NALCN: variants seen among roughly 807,000 people sequenced by gnomAD.
NALCN encodes the protein sodium leak channel NALCN.
A neutral mutation model predicts 225.3 loss-of-function variants in NALCN; 111 were observed. The observed-to-expected ratio is 0.49, with a 90% CI of 0.42 to 0.58. NALCN has a LOEUF of 0.58. Ranked by LOEUF, NALCN falls within the 20% of genes least tolerant of loss-of-function variation. The pLI, the probability that NALCN is intolerant of heterozygous loss-of-function variation, is 0.00. For synonymous variants in NALCN, 764 were observed against 769.0 expected (o/e 0.99, Z 0.11); for missense variants, 1,378 against 2,202.4 (o/e 0.63, Z 7.49).
At chr13:101,316,867 C>T (rs951395208) in intron 7 of NALCN, among the ~76,000 whole-genome samples, 64 of 152,258 alleles carry the variant, frequency 4.2e-4, no homozygotes, top group African/African-American at 1.5e-3. Flanking sequence ...AAAAATGCTT[C>T]ACTGATAGGT....
chr13:101,157,043 A>G (rs2037938432), intron 15 of NALCN, among the ~76,000 whole-genome samples: 1 of 152,234 alleles, frequency 6.6e-6, no homozygotes, highest in South Asian at 2.1e-4. Context: ...AATAGGGATA[A>G]CATTAAAGAA....
In NALCN at chr13:101,068,677, T is replaced by C. The variant is rs11616341; in HGVS notation, c.4330+18A>G. On this transcript the variant is annotated intron_variant, in intron 38 of 43. Transcript: ENST00000251127. ...CCTGAGTTTAAAGAGTAAAAAGTATTCAACTAACATCACTTACCTACAAGC... is the reference window on the plus strand; with the variant it reads ...CCTGAGTTTAAAGAGTAAAAAGTATCCAACTAACATCACTTACCTACAAGC... The C allele has an allele frequency of 0.26, 410,295 of 1,563,004 alleles. 57,151 individuals carry two copies. Among genetic ancestry groups the C allele is most frequent in the African/African-American group, 0.36 (26,090 of 72,826 alleles).
intron 1 of NALCN, among the ~76,000 whole-genome samples, chr13:101,413,802 T>C (rs998547442): frequency 1.1e-4 from 17 of 152,356 alleles, no homozygotes; most frequent in African/African-American, 4.1e-4. Context: ...TGAAAATCTG[T>C]GCTGGTCCTT....
chr13:101,157,888 G>C (rs547241563), intron 15 of NALCN, among the ~76,000 whole-genome samples: 1 of 151,940 alleles, frequency 6.6e-6, no homozygotes, highest in Non-Finnish European at 1.5e-5. Context: ...GAGTAGCTGG[G>C]ATTATAGGCA....
At chr13:101,276,325 T>C (rs2042973213) in intron 10 of NALCN, among the ~76,000 whole-genome samples, 1 of 152,166 alleles carries the variant, frequency 6.6e-6, no homozygotes, top group Non-Finnish European at 1.5e-5. Flanking sequence ...TAAATTTCAT[T>C]AATAACTGGA....
intron 13 of NALCN, among the ~76,000 whole-genome samples, chr13:101,202,664 A>G (rs1566425207): frequency 6.6e-6 from 1 of 152,066 alleles, no homozygotes; most frequent in Non-Finnish European, 1.5e-5. Flanking sequence ...ATCCCAGGGA[A>G]ATGGGTTCCC....
intron 17 of NALCN, among the ~76,000 whole-genome samples, chr13:101,140,106 G>A (rs897464548): frequency 2.6e-5 from 4 of 152,190 alleles, no homozygotes; most frequent in African/African-American, 4.8e-5. Context: ...AGTAACAGGA[G>A]CAGTTGTCTT....
intron 27 of NALCN, among the ~76,000 whole-genome samples, chr13:101,098,174 C>T (rs1291506107): frequency 6.6e-6 from 1 of 152,144 alleles, no homozygotes; most frequent in Admixed American, 6.6e-5. Flanking sequence ...CCACCTCCTC[C>T]CTGAAGCCCT....
chr13:101,107,865 TAAAAC>T (rs2035220595), intron 20 of NALCN, 76 bp from the exon 21 acceptor site: 6 of 978,694 alleles, frequency 6.1e-6, no homozygotes, highest in Non-Finnish European at 7.3e-6. Flanking sequence ...TTAAAAAACT[TAAAAC>T]TAATATCTCC....
chr13:101,275,387 T>C (rs2042937381), intron 10 of NALCN, among the ~76,000 whole-genome samples: 1 of 152,170 alleles, frequency 6.6e-6, no homozygotes, highest in Non-Finnish European at 1.5e-5. Flanking sequence ...CGAATGACAC[T>C]TGCAATCAAT....
Position 101,144,846 on chromosome 13 carries a change from G to C in NALCN, c.1890C>G (p.Arg630=). 1 of 1,613,494 alleles carries C rather than the reference G, an allele frequency of 6.2e-7. No homozygotes were observed. Among genetic ancestry groups the C allele is most frequent in the Admixed American group, 1.7e-5 (1 of 59,968 alleles). The change falls in exon 16 of 44, where the codon CGC becomes CGG. Residue 630 remains arginine, a synonymous_variant. Transcript: ENST00000251127. ...NADTKEKLPL[R]LRIFEKFPNR... is the part of the protein sequence containing the mutation. ...TTGGAAATTTTTCAAAGATTCGCAG[G>C]CGTAAAGGGAGCTTTTCTTTGGTGT... is the stretch of plus-strand genomic sequence containing the variant.
chr13:101,256,259 C>T (rs968455649), intron 11 of NALCN, among the ~76,000 whole-genome samples: 1 of 152,048 alleles, frequency 6.6e-6, no homozygotes, highest in Non-Finnish European at 1.5e-5. Context: ...TTGGTGGTAC[C>T]CGTCCTTTAA....
intron 16 of NALCN, 104 bp from the exon 17 acceptor site, chr13:101,143,325 A>G: frequency 8.3e-7 from 1 of 1,209,322 alleles, no homozygotes; most frequent in Non-Finnish European, 1.1e-6. Flanking sequence ...AAGCAGTGAT[A>G]AAAGATCATA....
At chr13:101,240,968 T>C (rs7319568) in intron 11 of NALCN, among the ~76,000 whole-genome samples, 78,134 of 152,110 alleles carry the variant, frequency 0.51, 20,206 homozygotes, top group Non-Finnish European at 0.53. Context: ...GTTTTACTTG[T>C]ATATCATTAT....
chr13:101,394,455 C>T (rs1191190937), intron 3 of NALCN, among the ~76,000 whole-genome samples: 1 of 152,154 alleles, frequency 6.6e-6, no homozygotes, highest in African/African-American at 2.4e-5. Context: ...ATTTGTCAAA[C>T]TCTAAAATCT....
At chr13:101,165,106 T>C (rs1345403384) in intron 15 of NALCN, among the ~76,000 whole-genome samples, 1 of 152,202 alleles carries the variant, frequency 6.6e-6, no homozygotes, top group Non-Finnish European at 1.5e-5. Flanking sequence ...TTCCTACCTA[T>C]TGACTTCAGC....
At chr13:101,190,843 AT>A (rs1051956974) in intron 14 of NALCN, among the ~76,000 whole-genome samples, 1 of 152,194 alleles carries the variant, frequency 6.6e-6, no homozygotes, top group Non-Finnish European at 1.5e-5. Context: ...TGACAAAGAC[AT>A]TTTTTCAGAC....
Position 101,292,216 on chromosome 13 carries a change from C to T in NALCN, c.942+8G>A, listed in dbSNP as rs374004710. On this transcript the variant is annotated splice_region_variant and intron_variant, in intron 8 of 43. Transcript: ENST00000251127. The surrounding 1 kb of genome is among the most constrained non-coding windows in gnomAD (Gnocchi z 4.3). ...CATAGACTTTCTTAGTACAATTCTT[C>T]GCAGTACCTTCACAAGCCAGGCGAG... The T allele has an allele frequency of 2.9e-4, 466 of 1,613,756 alleles. 5 individuals carry two copies. The South Asian group carries it at 4.0e-3, about 14-fold the overall frequency.
At chr13:101,227,659 G>T (rs2041197793) in intron 13 of NALCN, among the ~76,000 whole-genome samples, 1 of 152,162 alleles carries the variant, frequency 6.6e-6, no homozygotes, top group Non-Finnish European at 1.5e-5. Flanking sequence ...TCCCCTGTAT[G>T]TAAGCCCTCA....
Sources: allele counts gnomAD v4.1 joint callset (sites outside exome capture counted in the v4.1 genomes callset), GRCh38; gene constraint gnomAD v4.1.1; non-coding constraint Gnocchi (gnomAD v3.1); transcripts MANE v1.5; gene names NCBI Gene and HGNC (gene_info 2026-07-23, HGNC 2026-07-21).